Variants in GRB7 observed in about 807,000 individuals in gnomAD.
The protein encoded by GRB7 is growth factor receptor-bound protein 7.
A neutral mutation model predicts 64.1 loss-of-function variants in GRB7; 47 were observed. The observed-to-expected ratio is 0.73, with a 90% confidence interval of 0.58 to 0.94. The LOEUF (loss-of-function observed/expected upper bound fraction) is 0.94. Ranked by LOEUF, GRB7 falls within the 40% of genes least tolerant of loss-of-function variation. The pLI, the probability that GRB7 is intolerant of heterozygous loss-of-function variation, is 0.00. For synonymous variants in GRB7, 277 were observed against 279.9 expected (o/e 0.99, Z 0.10); for missense variants, 634 against 718.4 (o/e 0.88, Z 1.34).
intron 6 of GRB7, among the ~76,000 whole-genome samples, chr17:39,743,818 C>CAAAA: frequency 1.8e-5 from 1 of 54,582 alleles, no homozygotes; most frequent in Non-Finnish European, 3.2e-5. Flanking sequence ...CCTCGTCTCT[C>CAAAA]CAAAAAAAAA....
intron 2 of GRB7, 49 bp downstream of exon 2, chr17:39,742,505 A>G: frequency 1.9e-6 from 3 of 1,612,722 alleles, no homozygotes; most frequent in South Asian, 1.1e-5. Flanking sequence ...GATAATACAC[A>G]GAGGCTTGCA....
At chr17:39,745,627 G>T in intron 11 of GRB7, 89 bp downstream of exon 11, 2 of 1,561,742 alleles carry the variant, frequency 1.3e-6, no homozygotes, top group Admixed American at 1.7e-5. Flanking sequence ...GAGAGGGCGG[G>T]GGGAGGCCCC....
intron 14 of GRB7, among the ~76,000 whole-genome samples, 196 bp from the exon 15 acceptor site, chr17:39,746,555 G>T (rs1340176386): frequency 6.6e-6 from 1 of 151,842 alleles, no homozygotes; most frequent in Non-Finnish European, 1.5e-5. Flanking sequence ...GGTCAAGGCT[G>T]CAGTGAGCCA....
intron 1 of GRB7, among the ~76,000 whole-genome samples, chr17:39,739,263 G>T (rs2059975920): frequency 1.3e-5 from 2 of 151,954 alleles, no homozygotes; most frequent in South Asian, 2.1e-4. Context: ...TTGGTGGGGG[G>T]ACCTCATGGA....
intron 1 of GRB7, among the ~76,000 whole-genome samples, chr17:39,741,088 C>T (rs2059990725): frequency 6.6e-6 from 1 of 152,162 alleles, no homozygotes; most frequent in Non-Finnish European, 1.5e-5. Context: ...CTTTACTTGT[C>T]TTGAGTGTCT....
Position 39,743,615 on chromosome 17 carries a change from T to G in GRB7, c.663+145T>G, listed in dbSNP as rs1247859371. On this transcript the variant is annotated intron_variant, in intron 6 of 14. Coordinates refer to ENST00000309156, the MANE Select transcript of GRB7 (RefSeq NM_005310.5). Reference sequence around the variant, plus strand: ...TGTGACTGGGGACAGTCACTTTCCCTGCCTGAGCATCAGTTTCTTCTATTA... The same window carrying G: ...TGTGACTGGGGACAGTCACTTTCCCGGCCTGAGCATCAGTTTCTTCTATTA... 1.0e-5 allele frequency: 7 copies of G among 679,680 alleles called. No homozygotes were observed. The African/African-American group carries it at 1.3e-4, about 12-fold the overall frequency. 42.1% of individuals were successfully genotyped at this position (679,680 alleles called of 1,614,324 possible). A position where few individuals can be genotyped will look rare whatever the true frequency, so the allele number is the denominator to read the frequency against.
In GRB7 at chr17:39,742,736, G is replaced by A; in HGVS notation, c.306+20G>A. The A allele has an allele frequency of 2.6e-6, 4 of 1,539,680 alleles. No homozygotes were observed. Among genetic ancestry groups the A allele is most frequent in the Non-Finnish European group, 2.6e-6 (3 of 1,143,994 alleles). ...CCCCATGTGAGTTGTCCCTCAGAAG[G>A]GAAGGGAGGGATGCACGGGTTCTGG... is the stretch of plus-strand genomic sequence containing the variant. On this transcript the variant is annotated intron_variant, in intron 3 of 14. Transcript: ENST00000309156.
At chr17:39,741,954 G>C (rs901035227) in intron 1 of GRB7, among the ~76,000 whole-genome samples, 5 of 129,780 alleles carry the variant, frequency 3.9e-5, no homozygotes, top group Non-Finnish European at 7.7e-5. Context: ...AGGTTGCAGT[G>C]AGTGGAGATG....
chr17:39,746,647 A>G (rs1193317188), intron 14 of GRB7, 104 bp from the exon 15 acceptor site: 1 of 458,382 alleles, frequency 2.2e-6, no homozygotes, highest in South Asian at 3.2e-5. Context: ...AAAGAAAAAG[A>G]AAAAAGAAAA....
In GRB7 at chr17:39,745,077, A is replaced by T. The variant is rs554713468; in HGVS notation, c.1011+93A>T. ...GTCTCAGGAATGAGGAGGGCATCACAGCCTTGCTCTCTGATAACCCCCAGT... is the reference window on the plus strand; with the variant it reads ...GTCTCAGGAATGAGGAGGGCATCACTGCCTTGCTCTCTGATAACCCCCAGT... On this transcript the variant is annotated intron_variant, in intron 9 of 14. Coordinates refer to ENST00000309156, the MANE Select transcript of GRB7 (RefSeq NM_005310.5). The T allele has an allele frequency of 6.8e-6, 8 of 1,179,798 alleles. No individual in the cohort carries two copies. In the African/African-American group the frequency reaches 1.2e-4, roughly 18 times the overall value. The allele number at this position is 1,179,798 out of a possible 1,614,324, so 73.1% of individuals were successfully genotyped here.
At chr17:39,739,066 G>A in intron 1 of GRB7, 1 of 674,746 alleles carries the variant, frequency 1.5e-6, no homozygotes, top group Non-Finnish European at 2.2e-6. Context: ...TGAGGCTAGG[G>A]AGAGACCCAG....
At chr17:39,738,357 T>A (rs2059968510) in intron 1 of GRB7, 1 of 152,254 alleles carries the variant, frequency 6.6e-6, no homozygotes, top group South Asian at 2.1e-4. Flanking sequence ...CCTGAAGACG[T>A]GGTCCCAGCC....
In GRB7 at chr17:39,743,161, T is replaced by C; in HGVS notation, c.464-19T>C. ...CTGGTTGATCTCCAATAACCCCTGC[T>C]TTTTGCCCTTGTCCCCAGAGCGGGG... On this transcript the variant is annotated intron_variant, in intron 4 of 14. Transcript: ENST00000309156. 1 of 1,613,682 alleles carries C rather than the reference T, an allele frequency of 6.2e-7. No individual in the cohort carries two copies. Among genetic ancestry groups the C allele is most frequent in the South Asian group, 1.1e-5 (1 of 91,012 alleles).
Position 39,742,429 on chromosome 17 carries a change from A to C in GRB7, c.128A>C (p.Gln43Pro). ...TPLPEEVKRS[Q>P]PLLIPTTGRK... ...CTGCCTGAGGAGGTAAAGAGGTCCCAGCCTCTCCTCATCCCAACCACCGGC... is the reference window on the plus strand; with the variant it reads ...CTGCCTGAGGAGGTAAAGAGGTCCCCGCCTCTCCTCATCCCAACCACCGGC... The change falls in exon 2 of 15, where the codon CAG becomes CCG. Residue 43 changes from glutamine (Q) to proline (P), a missense_variant. Physicochemically the swap from Gln to Pro is moderately conservative, Grantham distance 76 (BLOSUM62 -1). Coordinates refer to ENST00000309156, the MANE Select transcript of GRB7 (RefSeq NM_005310.5). The C allele has an allele frequency of 6.2e-7, 1 of 1,613,930 alleles. No homozygotes were observed. Among genetic ancestry groups the C allele is most frequent in the Non-Finnish European group, 8.5e-7 (1 of 1,179,986 alleles).
chr17:39,747,093 C>A lies in GRB7; in HGVS notation c.*196C>A. ...CCCCACTCCAGTCCACTCCTGACCC[C>A]TCTCCTCAAGGGAAGGCCTTGGGTG... is the stretch of plus-strand genomic sequence containing the variant. On this transcript the variant is annotated 3_prime_UTR_variant, in exon 15 of 15. Coordinates refer to ENST00000309156, the MANE Select transcript of GRB7 (RefSeq NM_005310.5). The A allele has an allele frequency of 1.7e-6, 1 of 604,838 alleles. No individual in the cohort carries two copies. The highest frequency in any genetic ancestry group is 2.8e-6 in the Non-Finnish European group (1 of 352,764). 37.5% of individuals were successfully genotyped at this position (604,838 alleles called of 1,614,324 possible). A position where few individuals can be genotyped will look rare whatever the true frequency, so the allele number is the denominator to read the frequency against.
In GRB7 at chr17:39,747,007, G is replaced by C; in HGVS notation, c.*110G>C. On this transcript the variant is annotated 3_prime_UTR_variant, in exon 15 of 15. Transcript: ENST00000309156. ...CCACAGGGGACGGGATGAGGAGCGGGAGGGTTCCGCCACTCCAGTTTTCTC... is the reference window on the plus strand; with the variant it reads ...CCACAGGGGACGGGATGAGGAGCGGCAGGGTTCCGCCACTCCAGTTTTCTC... 9.7e-6 allele frequency: 12 copies of C among 1,239,080 alleles called. No individual in the cohort carries two copies. Among genetic ancestry groups the C allele is most frequent in the Non-Finnish European group, 1.3e-5 (12 of 899,496 alleles). The allele number at this position is 1,239,080 out of a possible 1,614,324, so 76.8% of individuals were successfully genotyped here.
chr17:39,745,105 A>T, intron 9 of GRB7, 121 bp downstream of exon 9: 1 of 1,096,640 alleles, frequency 9.1e-7, no homozygotes, highest in Admixed American at 2.1e-5. Flanking sequence ...CCCCCAGTCC[A>T]AGCCTGAAGT....
At chr17:39,745,831 T>G in intron 12 of GRB7, 43 bp downstream of exon 12, 1 of 1,613,334 alleles carries the variant, frequency 6.2e-7, no homozygotes, top group Non-Finnish European at 8.5e-7. Context: ...CTGCCTCAAC[T>G]TCTCTTTGTA....
chr17:39,743,209 G>C lies in GRB7; in HGVS notation c.493G>C (p.Val165Leu). The C allele has an allele frequency of 6.2e-7, 1 of 1,614,210 alleles. No homozygotes were observed. Among genetic ancestry groups the C allele is most frequent in the Non-Finnish European group, 8.5e-7 (1 of 1,180,036 alleles). ...GGGTTTGGAGGACCACGAGTCCGTG[G>C]TGGAAGTGCAGGCTGCCTGGCCCGT... ...ERGLEDHESVVEVQAAWPVGG... is the reference protein window; with the variant it reads ...ERGLEDHESVLEVQAAWPVGG... Residue 165 changes from valine to leucine, a missense_variant, in exon 5 of 15, where the codon GTG (valine) becomes CTG (leucine). Around this residue, in one of 2 missense-constraint regions of GRB7, gnomAD observed 467 missense variants for 576.6 expected, o/e 0.81. Transcript: ENST00000309156.
Sources: gnomAD v4.1 joint callset for allele counts (sites outside exome capture counted in the v4.1 genomes callset) on GRCh38, gnomAD v4.1.1 for gene constraint, gnomAD v4.1.1 regional missense constraint, MANE v1.5 for transcripts, NCBI Gene and HGNC (gene_info 2026-07-23, HGNC 2026-07-21) for gene names.